The following SMC5 variants were observed in gnomAD, a reference collection of about 807,000 sequenced individuals.
SMC5 encodes structural maintenance of chromosomes protein 5.
In SMC5, 88 loss-of-function variants were observed where a neutral mutation model predicts 148.3. That is an observed-to-expected ratio of 0.59 (90% CI 0.50 to 0.71). SMC5 has a LOEUF of 0.71. Among genes scored for constraint, SMC5 ranks in the 30% least tolerant of loss-of-function variants. The pLI is 0.00. For synonymous variants in SMC5, 421 were observed against 432.8 expected (o/e 0.97, Z 0.34); for missense variants, 1,142 against 1,298.9 (o/e 0.88, Z 1.86).
intron 8 of SMC5, among the ~76,000 whole-genome samples, chr9:70,288,876 G>A (rs968157065): frequency 2.6e-5 from 4 of 151,496 alleles, no homozygotes; most frequent in African/African-American, 9.7e-5. Flanking sequence ...TTTGATTTTT[G>A]TACCTATTCT....
intron 2 of SMC5, among the ~76,000 whole-genome samples, chr9:70,265,642 G>T (rs1039775476): frequency 2.6e-5 from 4 of 152,060 alleles, no homozygotes; most frequent in African/African-American, 7.2e-5. Flanking sequence ...AAAATAAAGT[G>T]CTACAGAAAA....
chr9:70,277,385 CA>C lies in SMC5; in HGVS notation c.462del (p.Lys154AsnfsTer7). On this transcript the variant is annotated frameshift_variant, in exon 4 of 25. Coordinates refer to ENST00000361138, the MANE Select transcript of SMC5 (RefSeq NM_015110.4). LOFTEE classifies it high-confidence loss of function. ...AAAATCAGTCCTTTTGGTTCATCAA[CA>C]AAAAATCTACAACCCAGAAAATAGT... is the stretch of plus-strand genomic sequence containing the variant. The part of the protein sequence containing the change: ...AKNQSFWFIN[K>X]KSTTQKIVEE... The C allele has an allele frequency of 1.2e-6, 2 of 1,604,662 alleles. No homozygotes were observed. Among genetic ancestry groups the C allele is most frequent in the East Asian group, 2.3e-5 (1 of 44,002 alleles).
intron 17 of SMC5, among the ~76,000 whole-genome samples, chr9:70,341,204 A>G (rs2036513298): frequency 6.6e-6 from 1 of 152,154 alleles, no homozygotes; most frequent in African/African-American, 2.4e-5. Context: ...ACAAACACAT[A>G]TGTATAGAAT....
chr9:70,302,224 G>A (rs915453353), intron 10 of SMC5, among the ~76,000 whole-genome samples: 1 of 152,050 alleles, frequency 6.6e-6, no homozygotes, highest in Non-Finnish European at 1.5e-5. Flanking sequence ...AAATAGGTTG[G>A]GCACGGTGGC....
intron 3 of SMC5, among the ~76,000 whole-genome samples, chr9:70,268,657 G>T (rs532246085): frequency 2.7e-5 from 4 of 150,078 alleles, no homozygotes; most frequent in Non-Finnish European, 3.0e-5. Flanking sequence ...TTTAAAAAAC[G>T]CAAACAATGT....
intron 21 of SMC5, 68 bp from the exon 22 acceptor site, chr9:70,347,851 T>G: frequency 6.9e-7 from 1 of 1,442,348 alleles, no homozygotes; most frequent in Non-Finnish European, 9.4e-7. Context: ...AAAATTTACA[T>G]AAAATTGTGT....
At position 70,258,999 on chromosome 9, in the gene SMC5, C is replaced by A; in HGVS notation, c.-80C>A. 6.9e-7 allele frequency: 1 copy of A among 1,451,984 alleles called. No homozygotes were observed. The highest frequency in any genetic ancestry group is 9.1e-7 in the Non-Finnish European group (1 of 1,095,406). The allele number at this position is 1,451,984 out of a possible 1,614,324, so 89.9% of individuals were successfully genotyped here. A position where few individuals can be genotyped will look rare whatever the true frequency, so the allele number is the denominator to read the frequency against. On this transcript the variant is annotated 5_prime_UTR_variant, in exon 1 of 25. Transcript: ENST00000361138. ...CGGCAGTTCGCGCGGGAGCGGGGCG[C>A]CTGGGTGGATGGGCGCTTGGGCGCC...
rs536519470 is a variant in SMC5, at chr9:70,284,326, C to T, written c.981+1743C>T. 4.6e-5 allele frequency among the ~76,000 whole-genome samples: 7 copies of T among 152,220 alleles called. No individual in the cohort carries two copies. The South Asian group carries it at 8.3e-4, about 18-fold the overall frequency. Reference sequence around the variant, plus strand: ...TTGCCATTGGTCATTTTAAATGTTACGGGGAAAAGGAATTGTAGATATTAT... The same window carrying T: ...TTGCCATTGGTCATTTTAAATGTTATGGGGAAAAGGAATTGTAGATATTAT... On this transcript the variant is annotated intron_variant, in intron 7 of 24. Transcript: ENST00000361138.
chr9:70,322,134 C>A (rs1587691312), intron 15 of SMC5, among the ~76,000 whole-genome samples: 1 of 152,272 alleles, frequency 6.6e-6, no homozygotes, highest in East Asian at 1.9e-4. Context: ...CCATTAACTT[C>A]TATTTTTAAA....
At chr9:70,292,852 C>A (rs1442405103) in intron 8 of SMC5, among the ~76,000 whole-genome samples, 1 of 152,018 alleles carries the variant, frequency 6.6e-6, no homozygotes, top group Non-Finnish European at 1.5e-5. Context: ...CAAATAAACC[C>A]CACTTGGTTG....
rs574413100 is a variant in SMC5 at position 70,350,897 on chromosome 9, G to C, written c.3165+426G>C. Among the ~76,000 whole-genome samples, 8 of 152,166 alleles carry C rather than the reference G, an allele frequency of 5.3e-5. No individual in the cohort carries two copies. The South Asian group carries it at 1.5e-3, about 28-fold the overall frequency. On this transcript the variant is annotated intron_variant, in intron 24 of 24. Transcript: ENST00000361138. ...CATCTTCTATTCACAGGTTAATTCT[G>C]ATAAAAACAGAATTATCTTTGTAGA...
intron 15 of SMC5, among the ~76,000 whole-genome samples, chr9:70,320,798 C>G (rs2035923556): frequency 6.6e-6 from 1 of 152,128 alleles, no homozygotes. Context: ...ATGAATTTTA[C>G]TGCTTCATCA....
chr9:70,282,585 T>C lies in SMC5; in HGVS notation c.981+2T>C, dbSNP rs1376302546. On this transcript the variant is annotated splice_donor_variant, in intron 7 of 24. Transcript: ENST00000361138. LOFTEE classifies it high-confidence loss of function. The stretch of plus-strand genomic sequence containing the variant: ...TTGGAGGCTCGAATCAAAGAAAAGG[T>C]ACTTTTTGGTTTCAATTTTGGATTA... The C allele has an allele frequency of 6.4e-7, 1 of 1,551,236 alleles. No individual in the cohort carries two copies. Among genetic ancestry groups the C allele is most frequent in the Non-Finnish European group, 8.6e-7 (1 of 1,158,978 alleles).
chr9:70,278,587 G>A lies in SMC5; in HGVS notation c.640G>A (p.Glu214Lys). Residue 214 changes from glutamate (E) to lysine (K), a missense_variant, in exon 5 of 25, where the codon GAA becomes AAA. Transcript: ENST00000361138. ...GPPEMHKYHC[E>K]LKNLREKEKQ... The stretch of plus-strand genomic sequence containing the variant: ...CCCAGAAATGCACAAATATCACTGT[G>A]AACTCAAAAACTTAAGGGAGAAAGA... 1 of 1,610,092 alleles carries A rather than the reference G, an allele frequency of 6.2e-7. No individual in the cohort carries two copies. The highest frequency in any genetic ancestry group is 1.1e-5 in the South Asian group (1 of 90,322).
chr9:70,319,393 A>G (rs531477485), intron 15 of SMC5, among the ~76,000 whole-genome samples: 1 of 152,302 alleles, frequency 6.6e-6, no homozygotes, highest in South Asian at 2.1e-4. Flanking sequence ...GCTGTTTTCC[A>G]GACAAAATAC....
At chr9:70,295,502 A>C (rs189322554) in intron 8 of SMC5, among the ~76,000 whole-genome samples, 1 of 151,876 alleles carries the variant, frequency 6.6e-6, no homozygotes, top group East Asian at 1.9e-4. Context: ...AAGAGGGAAC[A>C]TTCAGAGAAA....
intron 8 of SMC5, among the ~76,000 whole-genome samples, chr9:70,287,194 G>A (rs930679187): frequency 9.2e-5 from 14 of 152,112 alleles, no homozygotes; most frequent in South Asian, 4.2e-4. Flanking sequence ...TTTGATATGT[G>A]CAGCTTCTCA....
chr9:70,290,236 G>A (rs368751119), intron 8 of SMC5, among the ~76,000 whole-genome samples: 1 of 152,268 alleles, frequency 6.6e-6, no homozygotes, highest in East Asian at 1.9e-4. Context: ...GAAATAAAGA[G>A]TTCTCTTTTG....
intron 17 of SMC5, among the ~76,000 whole-genome samples, chr9:70,338,452 C>T (rs1257436973): frequency 1.3e-5 from 2 of 152,164 alleles, no homozygotes; most frequent in Non-Finnish European, 2.9e-5. Context: ...ACGGCTACCA[C>T]TCTGTCTAGG....
Sources: allele counts gnomAD v4.1 joint callset (sites outside exome capture counted in the v4.1 genomes callset), GRCh38; gene constraint gnomAD v4.1.1; transcripts MANE v1.5; gene names NCBI Gene and HGNC (gene_info 2026-07-23, HGNC 2026-07-21).